Variants in LGR6 observed in about 807,000 individuals in gnomAD.
LGR6 encodes the protein leucine-rich repeat-containing G protein-coupled receptor 6.
In LGR6, 45 loss-of-function variants were observed where a neutral mutation model predicts 69.4. That is an observed-to-expected ratio of 0.65 (90% CI 0.51 to 0.83). The LOEUF (loss-of-function observed/expected upper bound fraction) is 0.83, where lower values mean the gene tolerates loss of function less well. LGR6 is among the 40% of genes least tolerant of loss of function. The probability of loss-of-function intolerance (pLI) is 0.00; values close to 1 mark genes in which losing one functional copy is unlikely to be tolerated. For missense variants in LGR6, 1,108 were observed against 1,246.7 expected, an observed-to-expected ratio of 0.89 and a Z score of 1.68; for synonymous variants, 538 against 555.0, an observed-to-expected ratio of 0.97 and a Z score of 0.43.
In LGR6 at chr1:202,263,023, T is replaced by G. The variant is rs181946642; in HGVS notation, c.429-13283T>G. 8.3e-4 allele frequency among the ~76,000 whole-genome samples: 127 copies of G among 152,220 alleles called. 1 individual carries two copies. The highest frequency in any genetic ancestry group is 2.9e-3 in the African/African-American group (122 of 41,530). The stretch of plus-strand genomic sequence containing the variant: ...CTTAGCTTTTTTTCTTTTCATGGAT[T>G]TTTGTTCCTGTTTCAGAGAGGTCAT... On this transcript the variant is annotated intron_variant, in intron 4 of 17. Coordinates refer to ENST00000367278, the MANE Select transcript of LGR6 (RefSeq NM_001017403.2).
chr1:202,224,465 T>C (rs1287113854), intron 1 of LGR6, among the ~76,000 whole-genome samples: 1 of 152,162 alleles, frequency 6.6e-6, no homozygotes. Flanking sequence ...CAAGGTGTCA[T>C]GTCTTCCAGG....
intron 11 of LGR6, 59 bp from the exon 12 acceptor site, chr1:202,305,625 C>T (rs991310249): frequency 1.7e-4 from 244 of 1,475,744 alleles, no homozygotes; most frequent in South Asian, 1.7e-4. Flanking sequence ...CCCCCGTCCC[C>T]GAGCAGCCCT....
intron 4 of LGR6, among the ~76,000 whole-genome samples, chr1:202,240,918 A>T (rs116577607): frequency 5.3e-4 from 80 of 152,228 alleles, no homozygotes; most frequent in African/African-American, 1.8e-3. Context: ...AAGCTACATG[A>T]GATGTTCTAC....
intron 6 of LGR6, among the ~76,000 whole-genome samples, chr1:202,295,407 A>G (rs1177203929): frequency 1.3e-5 from 2 of 152,112 alleles, no homozygotes; most frequent in Admixed American, 6.5e-5. Context: ...CTCTTGCAAC[A>G]ATGGAGAATT....
chr1:202,299,051 G>GA (rs781570678), intron 7 of LGR6, among the ~76,000 whole-genome samples: 72 of 151,698 alleles, frequency 4.7e-4, no homozygotes, highest in East Asian at 4.0e-4. Flanking sequence ...CTTGAGGTCA[G>GA]AAGTTCGAGA....
chr1:202,213,350 C>G (rs1044696961), intron 1 of LGR6, among the ~76,000 whole-genome samples: 3 of 152,068 alleles, frequency 2.0e-5, no homozygotes, highest in African/African-American at 7.2e-5. Flanking sequence ...GAGGAAGGAG[C>G]TTGGGGCAAA....
At chr1:202,221,442 C>A (rs1660147568) in intron 1 of LGR6, among the ~76,000 whole-genome samples, 1 of 152,142 alleles carries the variant, frequency 6.6e-6, no homozygotes, top group Non-Finnish European at 1.5e-5. Context: ...TTCCACGTCC[C>A]ATGCCCACAA....
intron 4 of LGR6, among the ~76,000 whole-genome samples, chr1:202,237,281 C>T (rs560883263): frequency 5.9e-5 from 9 of 152,354 alleles, no homozygotes; most frequent in South Asian, 2.1e-4. Context: ...CCCAGTGTGC[C>T]CCTAGAGGCC....
In LGR6 at chr1:202,286,994, T is replaced by C. The variant is rs557605558; in HGVS notation, c.716+6142T>C. ...GAACTCTACCCCCTCTGCCGACTGC[T>C]CCAGGCACCCCAGCCAGCTGGTCTG... On this transcript the variant is annotated intron_variant, in intron 6 of 17. Coordinates refer to ENST00000367278, the MANE Select transcript of LGR6 (RefSeq NM_001017403.2). Among the ~76,000 whole-genome samples, 3 of 152,048 alleles carry C rather than the reference T, an allele frequency of 2.0e-5. No individual in the cohort carries two copies. In the East Asian group the frequency reaches 5.8e-4, roughly 29 times the overall value.
intron 1 of LGR6, among the ~76,000 whole-genome samples, chr1:202,202,593 T>C (rs1442155534): frequency 6.6e-6 from 1 of 152,254 alleles, no homozygotes; most frequent in Non-Finnish European, 1.5e-5. Context: ...AAAATGGGCA[T>C]ACGGAAAGAT....
In LGR6 at chr1:202,318,597, C is replaced by T. The variant is rs368974245; in HGVS notation, c.2294C>T (p.Ala765Val). ...GACCTGCCGCGGGGCGACTTTGAGGCCGTGTGGGACTGCGCCATGGTGAGG... is the reference window on the plus strand; with the variant it reads ...GACCTGCCGCGGGGCGACTTTGAGGTCGTGTGGGACTGCGCCATGGTGAGG... ...YCDLPRGDFE[A>V]VWDCAMVRHV... is the part of the protein sequence containing the mutation. The change falls in exon 18 of 18, where the codon GCC becomes GTC. Residue 765 changes from alanine (A) to valine (V), a missense_variant. Ala to Val is a moderately conservative substitution (Grantham distance 64). Coordinates refer to ENST00000367278, the MANE Select transcript of LGR6 (RefSeq NM_001017403.2). The T allele has an allele frequency of 1.2e-6, 2 of 1,613,994 alleles. No individual in the cohort carries two copies. The highest frequency in any genetic ancestry group is 2.2e-5 in the South Asian group (2 of 91,084).
chr1:202,319,216 C>T lies in LGR6; in HGVS notation c.*9C>T. On this transcript the variant is annotated 3_prime_UTR_variant, in exon 18 of 18. Coordinates refer to ENST00000367278, the MANE Select transcript of LGR6 (RefSeq NM_001017403.2). ...TTGCTTCACACGTGTAAATATCCCT[C>T]CCCATTCTTCTCTTCCCCTCTCTTC... 2 of 1,564,986 alleles carry T rather than the reference C, an allele frequency of 1.3e-6. No individual in the cohort carries two copies. Among genetic ancestry groups the T allele is most frequent in the Non-Finnish European group, 1.7e-6 (2 of 1,156,142 alleles).
At chr1:202,297,900 G>C (rs975971821) in intron 7 of LGR6, among the ~76,000 whole-genome samples, 1 of 152,258 alleles carries the variant, frequency 6.6e-6, no homozygotes, top group Non-Finnish European at 1.5e-5. Flanking sequence ...TGGTTGGGAT[G>C]TGTCCAGAGA....
At position 202,265,833 on chromosome 1, in the gene LGR6, G is replaced by A. The variant is rs115604238; in HGVS notation, c.429-10473G>A. Among the ~76,000 whole-genome samples, 503 of 152,332 alleles carry A rather than the reference G, an allele frequency of 3.3e-3. 1 individual carries two copies. The highest frequency in any genetic ancestry group is 0.012 in the African/African-American group (487 of 41,578). On this transcript the variant is annotated intron_variant, in intron 4 of 17. Transcript: ENST00000367278. ...AACACAGACTGAATATCCATGGTGG[G>A]CAAGTTTCAGGGAAAGAGGGGACAT... is the stretch of plus-strand genomic sequence containing the variant.
chr1:202,263,735 G>T (rs1664419600), intron 4 of LGR6, among the ~76,000 whole-genome samples: 1 of 152,132 alleles, frequency 6.6e-6, no homozygotes, highest in Non-Finnish European at 1.5e-5. Flanking sequence ...AGAGAGGATG[G>T]AGAAACATCT....
Position 202,214,895 on chromosome 1 carries a change from C to G in LGR6, c.213-10528C>G, listed in dbSNP as rs949869011. 1.9e-4 allele frequency among the ~76,000 whole-genome samples: 29 copies of G among 152,082 alleles called. 1 individual carries two copies. Among genetic ancestry groups the G allele is most frequent in the Admixed American group, 1.6e-3 (25 of 15,272 alleles). On this transcript the variant is annotated intron_variant, in intron 1 of 17. Coordinates refer to ENST00000367278, the MANE Select transcript of LGR6 (RefSeq NM_001017403.2). Reference sequence around the variant, plus strand: ...TATATGCTCTGAACTTTATCTTCTGCTCTTTTCTCCTAGATTCAAATTGAG... The same window carrying G: ...TATATGCTCTGAACTTTATCTTCTGGTCTTTTCTCCTAGATTCAAATTGAG...
In LGR6 at chr1:202,214,992, T is replaced by G. The variant is rs192818896; in HGVS notation, c.213-10431T>G. Among the ~76,000 whole-genome samples the G allele has an allele frequency of 4.9e-3, 549 of 112,276 alleles. 4 individuals are homozygous for G. The highest frequency in any genetic ancestry group is 0.017 in the African/African-American group (519 of 30,118). 73.7% of individuals were successfully genotyped at this position (112,276 alleles called of 152,430 possible). A position where few individuals can be genotyped will look rare whatever the true frequency, so the allele number is the denominator to read the frequency against. On this transcript the variant is annotated intron_variant, in intron 1 of 17. Transcript: ENST00000367278. ...TAAATGGTGTTTGGGTGCACCTGGGTGTGTGTGTGTGTGTGTGTGTGTGTG... is the reference window on the plus strand; with the variant it reads ...TAAATGGTGTTTGGGTGCACCTGGGGGTGTGTGTGTGTGTGTGTGTGTGTG...
At chr1:202,229,920 C>T (rs1043761364) in intron 3 of LGR6, among the ~76,000 whole-genome samples, 1 of 152,228 alleles carries the variant, frequency 6.6e-6, no homozygotes, top group Non-Finnish European at 1.5e-5. Context: ...GCATCCTAGG[C>T]ACGAATTACT....
intron 7 of LGR6, among the ~76,000 whole-genome samples, chr1:202,298,034 G>A (rs1169797459): frequency 4.6e-5 from 7 of 152,142 alleles, no homozygotes; most frequent in Non-Finnish European, 8.8e-5. Flanking sequence ...TTCAGCATTC[G>A]CTGAGCACCC....
Sources: gnomAD v4.1 joint callset for allele counts (sites outside exome capture counted in the v4.1 genomes callset) on GRCh38, gnomAD v4.1.1 for gene constraint, MANE v1.5 for transcripts, NCBI Gene and HGNC (gene_info 2026-07-23, HGNC 2026-07-21) for gene names.